CFAP61: variants seen among roughly 807,000 people sequenced by gnomAD.
CFAP61 encodes the protein cilia and flagella associated protein 61.
CFAP61 carries 107 observed loss-of-function variants against 135.6 expected under a neutral mutation model. The observed-to-expected ratio is 0.79, with a 90% confidence interval of 0.67 to 0.93. CFAP61 has a LOEUF of 0.93. Ranked by LOEUF, CFAP61 falls within the 40% of genes least tolerant of loss-of-function variation. CFAP61 has a pLI of 0.00. For synonymous variants in CFAP61, 575 were observed against 578.5 expected, an observed-to-expected ratio of 0.99 and a Z score of 0.09; for missense variants, 1,507 against 1,556.2, an observed-to-expected ratio of 0.97 and a Z score of 0.53.
Position 20,133,861 on chromosome 20 carries a change from C to T in CFAP61, c.860-8996C>T, listed in dbSNP as rs549191696. 2.6e-5 allele frequency among the ~76,000 whole-genome samples: 4 copies of T among 152,310 alleles called. No individual in the cohort carries two copies. In the South Asian group the frequency reaches 8.3e-4, roughly 32 times the overall value. ...TTGGCCTGGAGTCTACACCACATCC[C>T]AGGTAGGAGGAGTTTCACTGAAAAT... On this transcript the variant is annotated intron_variant, in intron 8 of 26. Coordinates refer to ENST00000245957, the MANE Select transcript of CFAP61 (RefSeq NM_015585.4).
chr20:20,157,837 A>G (rs546376263), intron 9 of CFAP61, among the ~76,000 whole-genome samples: 9 of 152,214 alleles, frequency 5.9e-5, no homozygotes, highest in Admixed American at 1.3e-4. Context: ...AAGACAAGCT[A>G]CAGACTGGGA....
intron 17 of CFAP61, among the ~76,000 whole-genome samples, chr20:20,221,401 G>A (rs964437333): frequency 6.6e-6 from 1 of 152,034 alleles, no homozygotes; most frequent in African/African-American, 2.4e-5. Flanking sequence ...TTATTTAATT[G>A]GAAACAAGTG....
At chr20:20,201,395 T>A (rs972899935) in intron 17 of CFAP61, among the ~76,000 whole-genome samples, 1 of 152,180 alleles carries the variant, frequency 6.6e-6, no homozygotes, top group African/African-American at 2.4e-5. Flanking sequence ...CCACTTCCCC[T>A]TTCTCCTATA....
At chr20:20,338,454 T>TA (rs913130675) in intron 25 of CFAP61, among the ~76,000 whole-genome samples, 134 of 151,996 alleles carry the variant, frequency 8.8e-4, no homozygotes, top group Non-Finnish European at 1.3e-3. Context: ...TGCTTTTTGT[T>TA]AAAAAAAATC....
intron 25 of CFAP61, among the ~76,000 whole-genome samples, chr20:20,299,552 TTTGTCAGTCC>T (rs1409897342): frequency 1.3e-5 from 2 of 152,206 alleles, no homozygotes; most frequent in Non-Finnish European, 1.5e-5. Flanking sequence ...CCAGTCATAG[TTTGTCAGTCC>T]TTGTTTTAAA....
intron 25 of CFAP61, among the ~76,000 whole-genome samples, chr20:20,339,689 T>C: frequency 6.6e-6 from 1 of 152,030 alleles, no homozygotes. Flanking sequence ...CACTGTGTTA[T>C]CCAGGCTGGT....
chr20:20,355,348 AGGGGAGGTGGT>A, intron 26 of CFAP61, among the ~76,000 whole-genome samples: 5 of 123,328 alleles, frequency 4.1e-5, no homozygotes, highest in African/African-American at 3.3e-5. Context: ...TCACACTGTG[AGGGGAGGTGGT>A]CACACTGAGG....
intron 26 of CFAP61, among the ~76,000 whole-genome samples, chr20:20,347,266 T>C (rs967710468): frequency 2.6e-5 from 4 of 152,202 alleles, no homozygotes; most frequent in African/African-American, 9.7e-5. Flanking sequence ...TTTAAAGCTA[T>C]AAGTGCCTAC....
chr20:20,192,573 C>G (rs973591043), intron 15 of CFAP61, among the ~76,000 whole-genome samples: 6 of 152,094 alleles, frequency 3.9e-5, no homozygotes, highest in African/African-American at 1.2e-4. Context: ...GCGCCACCCT[C>G]TTAGAGTGGG....
intron 26 of CFAP61, among the ~76,000 whole-genome samples, chr20:20,358,542 A>G (rs956118822): frequency 2.0e-5 from 3 of 152,334 alleles, no homozygotes; most frequent in African/African-American, 7.2e-5. Flanking sequence ...CCTCATACAC[A>G]TTGCAGAATA....
intron 26 of CFAP61, 151 bp from the exon 27 acceptor site, chr20:20,360,059 G>A (rs956629467): frequency 9.7e-5 from 66 of 678,120 alleles, no homozygotes; most frequent in Non-Finnish European, 1.5e-4. Context: ...TGTATACTTT[G>A]CCACAATTAA....
intron 25 of CFAP61, among the ~76,000 whole-genome samples, chr20:20,310,460 TCTC>T (rs546375132): frequency 8.5e-4 from 129 of 152,314 alleles, no homozygotes; most frequent in African/African-American, 3.1e-3. Flanking sequence ...GGCCAGATCA[TCTC>T]CTCTTCCTCA....
intron 21 of CFAP61, among the ~76,000 whole-genome samples, chr20:20,264,075 T>G (rs1192777047): frequency 6.6e-6 from 1 of 152,224 alleles, no homozygotes; most frequent in Admixed American, 6.5e-5. Context: ...TGCCAAGTTA[T>G]AACATTTACT....
chr20:20,065,137 TGTA>T (rs546033701), intron 2 of CFAP61, among the ~76,000 whole-genome samples: 139 of 152,306 alleles, frequency 9.1e-4, no homozygotes, highest in African/African-American at 3.2e-3. Flanking sequence ...ACCAACCTCA[TGTA>T]GTAGAAAACT....
intron 24 of CFAP61, among the ~76,000 whole-genome samples, chr20:20,296,415 TTTTC>T (rs1246763804): frequency 8.9e-6 from 1 of 112,818 alleles, no homozygotes; most frequent in Admixed American, 9.0e-5. Flanking sequence ...TCTTTCTTTC[TTTTC>T]TTTCTTCCTC....
rs6112789 is a variant in CFAP61 at position 20,150,586 on chromosome 20, T to C, written c.951+7638T>C. Among the ~76,000 whole-genome samples the C allele has an allele frequency of 2.8e-3, 428 of 152,248 alleles. 2 individuals are homozygous for C. The highest frequency in any genetic ancestry group is 9.4e-3 in the African/African-American group (389 of 41,550). On this transcript the variant is annotated intron_variant, in intron 9 of 26. Transcript: ENST00000245957. The stretch of plus-strand genomic sequence containing the variant: ...CCACATGACAGCTTCACTGCTAGCA[T>C]AACTAGCATTTGAGAAAGCCAGCAC...
At chr20:20,331,278 C>T (rs1034899688) in intron 25 of CFAP61, among the ~76,000 whole-genome samples, 6 of 151,992 alleles carry the variant, frequency 3.9e-5, no homozygotes, top group Non-Finnish European at 7.4e-5. Context: ...CCATTACCCT[C>T]TTATTGTGTT....
chr20:20,358,978 G>T (rs1471312392), intron 26 of CFAP61, among the ~76,000 whole-genome samples: 1 of 152,198 alleles, frequency 6.6e-6, no homozygotes, highest in Non-Finnish European at 1.5e-5. Context: ...AACCCTGGGG[G>T]ATGTGCTTTC....
chr20:20,268,209 G>A (rs987850111), intron 21 of CFAP61, among the ~76,000 whole-genome samples: 1 of 152,208 alleles, frequency 6.6e-6, no homozygotes, highest in African/African-American at 2.4e-5. Context: ...GGGAGCCAAG[G>A]ACAGTGAAAA....
Sources: allele counts gnomAD v4.1 joint callset (sites outside exome capture counted in the v4.1 genomes callset), GRCh38; gene constraint gnomAD v4.1.1; transcripts MANE v1.5; gene names NCBI Gene and HGNC (gene_info 2026-07-23, HGNC 2026-07-21).